The following WDR26 variants were observed in gnomAD, a reference collection of about 807,000 sequenced individuals.
WDR26 encodes WD repeat domain 26.
In WDR26, 5 loss-of-function variants were observed where a neutral mutation model predicts 84.1. The ratio of observed to expected loss-of-function variants is 0.06; its 90% CI spans 0.03 to 0.13. WDR26 has a LOEUF of 0.13. Among genes scored for constraint, WDR26 ranks in the 10% least tolerant of loss-of-function variants. WDR26 has a pLI of 1.00. For missense variants in WDR26, 642 were observed against 974.9 expected (o/e 0.66, Z 4.55); for synonymous variants, 415 against 389.6 (o/e 1.07, Z -0.77).
At chr1:224,427,103 CCAAAAAAAAAAA>C (rs1674251721) in intron 3 of WDR26, among the ~76,000 whole-genome samples, 1 of 91,168 alleles carries the variant, frequency 1.1e-5, no homozygotes, top group Non-Finnish European at 2.1e-5. Context: ...AACTCTGTCT[CCAAAAAAAAAAA>C]AAAAAAAAAA....
At position 224,434,438 on chromosome 1, in the gene WDR26, GGA is replaced by G; in HGVS notation, c.-35_-34del. 1.1e-6 allele frequency: 1 copy of G among 945,882 alleles called. No homozygotes were observed. Among genetic ancestry groups the G allele is most frequent in the Non-Finnish European group, 1.3e-6 (1 of 787,912 alleles). The allele number at this position is 945,882 out of a possible 1,614,324, so 58.6% of individuals were successfully genotyped here. A position where few individuals can be genotyped will look rare whatever the true frequency, so the allele number is the denominator to read the frequency against. Reference sequence around the variant, plus strand: ...AGCCGGTGGGGCGAGGCGGGGGAGGGGAGGCGGGGGCCGGGGAGAGGGTCGGG... The same window carrying G: ...AGCCGGTGGGGCGAGGCGGGGGAGGGGGCGGGGGCCGGGGAGAGGGTCGGG... On this transcript the variant is annotated 5_prime_UTR_variant, in exon 1 of 14. Transcript: ENST00000414423.
chr1:224,403,660 G>T (rs1272320127), intron 8 of WDR26, among the ~76,000 whole-genome samples: 5 of 152,194 alleles, frequency 3.3e-5, no homozygotes, highest in Admixed American at 3.3e-4. Context: ...CAATGGACCG[G>T]GCACGGTGGC....
chr1:224,433,600 T>TCCCCCCCCCCCCCCCCCCCCC, intron 1 of WDR26, 84 bp downstream of exon 1: 2 of 287,052 alleles, frequency 7.0e-6, no homozygotes, highest in Non-Finnish European at 1.3e-5. Flanking sequence ...CAAGCCCCCC[T>TCCCCCCCCCCCCCCCCCCCCC]CCCCCCTCCG....
chr1:224,410,827 T>C (rs751990467), intron 7 of WDR26, among the ~76,000 whole-genome samples: 13 of 151,170 alleles, frequency 8.6e-5, no homozygotes, highest in Non-Finnish European at 1.6e-4. Flanking sequence ...TCCTCTTGAA[T>C]AGCTGGGACG....
At chr1:224,430,548 A>G (rs1366631027) in intron 3 of WDR26, 1 of 152,188 alleles carries the variant, frequency 6.6e-6, no homozygotes, top group Non-Finnish European at 1.5e-5. Context: ...AAAGGCAGAA[A>G]AGATTAATGT....
intron 6 of WDR26, chr1:224,413,189 A>T: frequency 2.7e-6 from 2 of 741,210 alleles, no homozygotes; most frequent in Non-Finnish European, 3.5e-6. Context: ...ATAGTCTCAA[A>T]CAACAACAAC....
Position 224,385,902 on chromosome 1 carries a change from T to TA in WDR26, c.*3932dup, listed in dbSNP as rs1180211317. 2.0e-5 allele frequency: 3 copies of TA among 152,232 alleles called. No individual in the cohort carries two copies. Among genetic ancestry groups the TA allele is most frequent in the Non-Finnish European group, 4.4e-5 (3 of 68,004 alleles). 9.4% of individuals were successfully genotyped at this position (152,232 alleles called of 1,614,324 possible). A position where few individuals can be genotyped will look rare whatever the true frequency, so the allele number is the denominator to read the frequency against. On this transcript the variant is annotated 3_prime_UTR_variant, in exon 14 of 14. Transcript: ENST00000414423. ...CTTCACATGTGCACGAGACTTTCAGTAAAAATGACAAGATCCTAGAACAGC... is the reference window on the plus strand; with the variant it reads ...CTTCACATGTGCACGAGACTTTCAGTAAAAAATGACAAGATCCTAGAACAGC...
chr1:224,419,494 A>G (rs1259578698), intron 5 of WDR26, 24 bp downstream of exon 5: 2 of 1,555,746 alleles, frequency 1.3e-6, no homozygotes, highest in Non-Finnish European at 1.8e-6. Flanking sequence ...AAAACACAGC[A>G]ACATAAAAAA....
chr1:224,434,706 G>T lies in WDR26; in HGVS notation c.-301C>A. The T allele has an allele frequency of 1.1e-6, 1 of 948,292 alleles. No individual in the cohort carries two copies. Among genetic ancestry groups the T allele is most frequent in the Non-Finnish European group, 1.3e-6 (1 of 797,184 alleles). 58.7% of individuals were successfully genotyped at this position (948,292 alleles called of 1,614,324 possible). A position where few individuals can be genotyped will look rare whatever the true frequency, so the allele number is the denominator to read the frequency against. The stretch of plus-strand genomic sequence containing the variant: ...CAGTGGCTGCGGCGGCGGCGGCGGC[G>T]GGCGGCAGCGGAGGCAGCTGCCGCC... On this transcript the variant is annotated 5_prime_UTR_variant, in exon 1 of 14. Coordinates refer to ENST00000414423, the MANE Select transcript of WDR26 (RefSeq NM_001379403.1).
Position 224,389,518 on chromosome 1 carries a change from C to G in WDR26, c.*317G>C. Reference sequence around the variant, plus strand: ...AAGAGCAACAAGAATGGTATCCTGCCAGACAAAAGACAGGAAGGAAAAAAA... The same window carrying G: ...AAGAGCAACAAGAATGGTATCCTGCGAGACAAAAGACAGGAAGGAAAAAAA... On this transcript the variant is annotated 3_prime_UTR_variant, in exon 14 of 14. Transcript: ENST00000414423. 2.0e-6 allele frequency: 1 copy of G among 508,832 alleles called. No individual in the cohort carries two copies. The highest frequency in any genetic ancestry group is 3.4e-6 in the Non-Finnish European group (1 of 293,386). 31.5% of individuals were successfully genotyped at this position (508,832 alleles called of 1,614,324 possible).
chr1:224,390,040 C>A (rs1298310364), intron 13 of WDR26, among the ~76,000 whole-genome samples, 180 bp from the exon 14 acceptor site: 2 of 152,166 alleles, frequency 1.3e-5, no homozygotes, highest in African/African-American at 4.8e-5. Context: ...AAAACAATGT[C>A]TGTATCATGT....
chr1:224,407,151 A>AAATATATATATATAT, intron 7 of WDR26, among the ~76,000 whole-genome samples: 3 of 11,870 alleles, frequency 2.5e-4, no homozygotes, highest in Non-Finnish European at 4.2e-4. Flanking sequence ...AAAAAAAAAA[A>AAATATATATATATAT]ATATATATAT....
At chr1:224,414,671 AAAT>A (rs1673841888) in intron 6 of WDR26, among the ~76,000 whole-genome samples, 1 of 152,176 alleles carries the variant, frequency 6.6e-6, no homozygotes, top group South Asian at 2.1e-4. Flanking sequence ...ACTTTTAGAT[AAAT>A]AATAGGAATT....
chr1:224,431,359 T>C (rs1558447693), intron 3 of WDR26, 118 bp downstream of exon 3: 13 of 809,306 alleles, frequency 1.6e-5, no homozygotes, highest in Non-Finnish European at 2.4e-5. Flanking sequence ...AGTTTACAAA[T>C]TATATGAAAT....
chr1:224,404,654 A>T (rs1290316494), intron 7 of WDR26, 84 bp from the exon 8 acceptor site: 1 of 1,471,084 alleles, frequency 6.8e-7, no homozygotes, highest in Admixed American at 2.2e-5. Flanking sequence ...AGCTACAAAG[A>T]TGTACTTTGA....
At chr1:224,427,128 G>T (rs1225677688) in intron 3 of WDR26, among the ~76,000 whole-genome samples, 67 of 103,336 alleles carry the variant, frequency 6.5e-4, no homozygotes, top group African/African-American at 9.5e-4. Context: ...AAAAAAAAAA[G>T]TTTCATTCCA....
At chr1:224,390,033 A>T (rs1408055511) in intron 13 of WDR26, among the ~76,000 whole-genome samples, 173 bp from the exon 14 acceptor site, 4 of 152,244 alleles carry the variant, frequency 2.6e-5, no homozygotes, top group Non-Finnish European at 2.9e-5. Flanking sequence ...ACTCATTAAA[A>T]CAATGTCTGT....
rs922785614 is a variant in WDR26 at position 224,387,340 on chromosome 1, A to G, written c.*2495T>C. ...TCTTTACCATTGATTTCACCTTTCG[A>G]GCACAGTCACTGCATGGCAAATGTA... On this transcript the variant is annotated 3_prime_UTR_variant, in exon 14 of 14. Coordinates refer to ENST00000414423, the MANE Select transcript of WDR26 (RefSeq NM_001379403.1). 1.3e-5 allele frequency: 2 copies of G among 152,558 alleles called. No individual in the cohort carries two copies. The highest frequency in any genetic ancestry group is 2.9e-5 in the Non-Finnish European group (2 of 68,010). The allele number at this position is 152,558 out of a possible 1,614,324, so 9.5% of individuals were successfully genotyped here. A position where few individuals can be genotyped will look rare whatever the true frequency, so the allele number is the denominator to read the frequency against.
At chr1:224,405,991 T>C (rs1295028239) in intron 7 of WDR26, among the ~76,000 whole-genome samples, 1 of 152,186 alleles carries the variant, frequency 6.6e-6, no homozygotes, top group East Asian at 1.9e-4. Flanking sequence ...TAATGAGCCA[T>C]ACATAGTTCA....
Sources: gnomAD v4.1 joint callset for allele counts (sites outside exome capture counted in the v4.1 genomes callset) on GRCh38, gnomAD v4.1.1 for gene constraint, MANE v1.5 for transcripts, NCBI Gene and HGNC (gene_info 2026-07-23, HGNC 2026-07-21) for gene names.